The following NRXN1 variants were observed in gnomAD, a reference collection of about 807,000 sequenced individuals.
The protein encoded by NRXN1 is neurexin-1.
In NRXN1, 39 loss-of-function variants were observed where a neutral mutation model predicts 150.9. The ratio of observed to expected loss-of-function variants is 0.26; its 90% CI spans 0.20 to 0.34. The LOEUF is 0.34. Among genes scored for constraint, NRXN1 ranks in the 10% least tolerant of loss-of-function variants. NRXN1 has a pLI of 1.00. For synonymous variants in NRXN1, 924 were observed against 757.0 expected (o/e 1.22, Z -3.62); for missense variants, 1,815 against 1,949.9 (o/e 0.93, Z 1.30).
At chr2:50,744,075 CAT>C (rs1206500577) in intron 5 of NRXN1, among the ~76,000 whole-genome samples, 6 of 152,104 alleles carry the variant, frequency 3.9e-5, no homozygotes, top group Non-Finnish European at 8.8e-5. Context: ...TCTGATTTCA[CAT>C]GTGTTGAGAA....
chr2:50,594,705 T>C lies in NRXN1; in HGVS notation c.1320+25317A>G, dbSNP rs529574822. Among the ~76,000 whole-genome samples the C allele has an allele frequency of 1.2e-4, 18 of 152,268 alleles. 1 individual carries two copies. The South Asian group carries it at 3.3e-3, about 28-fold the overall frequency. ...GAAGAAATAAGATACATTTAAATTT[T>C]AGTTATTGATTCTATTCACGCTAAC... On this transcript the variant is annotated intron_variant, in intron 8 of 22. Transcript: ENST00000401669.
intron 18 of NRXN1, among the ~76,000 whole-genome samples, chr2:50,143,455 T>A (rs1707556768): frequency 6.6e-6 from 1 of 151,976 alleles, no homozygotes; most frequent in African/African-American, 2.4e-5. Context: ...AAGACACTAA[T>A]TTATTATGCG....
chr2:50,553,134 T>C (rs1558926820), intron 8 of NRXN1, 109 bp from the exon 9 acceptor site: 5 of 791,532 alleles, frequency 6.3e-6, no homozygotes, highest in South Asian at 1.8e-5. Flanking sequence ...ACACGATATT[T>C]AGTTAATTTT....
intron 5 of NRXN1, among the ~76,000 whole-genome samples, chr2:50,659,657 G>A (rs1687008050): frequency 6.6e-6 from 1 of 151,026 alleles, no homozygotes; most frequent in Middle Eastern, 3.4e-3. Context: ...AGTGTAAGTT[G>A]AATATTCATT....
intron 2 of NRXN1, among the ~76,000 whole-genome samples, chr2:50,936,973 T>C (rs1210453313): frequency 3.9e-5 from 6 of 152,148 alleles, no homozygotes; most frequent in Non-Finnish European, 8.8e-5. Flanking sequence ...GTTTTATCTA[T>C]TCATCTTGAA....
rs1667727826 is a variant in NRXN1, at chr2:49,918,761, A to AT, written c.*3182dup. 6.6e-6 allele frequency: 1 copy of AT among 152,162 alleles called. No individual in the cohort carries two copies. Among genetic ancestry groups the AT allele is most frequent in the African/African-American group, 2.4e-5 (1 of 41,458 alleles). The allele number at this position is 152,162 out of a possible 1,614,324, so 9.4% of individuals were successfully genotyped here. A position where few individuals can be genotyped will look rare whatever the true frequency, so the allele number is the denominator to read the frequency against. On this transcript the variant is annotated 3_prime_UTR_variant, in exon 23 of 23. Transcript: ENST00000401669. ...AAAAGAGAGTCAACATTCTTCCTCT[A>AT]TAATATAAGGATGGGTCTTCCCTTC...
chr2:51,026,260 T>C, intron 2 of NRXN1: 2 of 706,426 alleles, frequency 2.8e-6, no homozygotes, highest in South Asian at 1.7e-5. Flanking sequence ...CAGCCACAAA[T>C]GCCATTTATC....
At chr2:50,633,760 C>G (rs528248031) in intron 5 of NRXN1, among the ~76,000 whole-genome samples, 1 of 152,146 alleles carries the variant, frequency 6.6e-6, no homozygotes, top group Non-Finnish European at 1.5e-5. Context: ...ATTAGAAATA[C>G]AACAGTAAAT....
intron 17 of NRXN1, among the ~76,000 whole-genome samples, chr2:50,311,499 A>G (rs2075179397): frequency 6.6e-6 from 1 of 152,128 alleles, no homozygotes; most frequent in Non-Finnish European, 1.5e-5. Flanking sequence ...TGATAATCCG[A>G]ACCTGGATAG....
intron 18 of NRXN1, among the ~76,000 whole-genome samples, chr2:50,102,253 C>T (rs1301202771): frequency 6.6e-6 from 1 of 151,890 alleles, no homozygotes; most frequent in Non-Finnish European, 1.5e-5. Context: ...TGAAGTAATG[C>T]AGAAAAATAT....
At chr2:50,010,489 C>T (rs908934656) in intron 21 of NRXN1, among the ~76,000 whole-genome samples, 1 of 152,140 alleles carries the variant, frequency 6.6e-6, no homozygotes, top group African/African-American at 2.4e-5. Flanking sequence ...TAGAGCTAGC[C>T]TTTTGCAACG....
In NRXN1 at chr2:50,972,104, T is replaced by A. The variant is rs150364543; in HGVS notation, c.773-46149A>T. Among the ~76,000 whole-genome samples, 515 of 152,102 alleles carry A rather than the reference T, an allele frequency of 3.4e-3. 3 individuals are homozygous for A. Among genetic ancestry groups the A allele is most frequent in the African/African-American group, 0.011 (469 of 41,502 alleles). ...TTTATTCACAAAAAAAAAAAATTAT[T>A]TGCTGTGAAACAAAGAATTCTTATT... On this transcript the variant is annotated intron_variant, in intron 2 of 22. Transcript: ENST00000401669.
At chr2:50,109,878 C>T (rs141701880) in intron 18 of NRXN1, among the ~76,000 whole-genome samples, 474 of 152,194 alleles carry the variant, frequency 3.1e-3, no homozygotes, top group Non-Finnish European at 5.2e-3. Context: ...TCCTCGGTTT[C>T]TGCTGTATAT....
chr2:50,972,568 G>A (rs772422868), intron 2 of NRXN1, among the ~76,000 whole-genome samples: 11 of 151,858 alleles, frequency 7.2e-5, no homozygotes, highest in Non-Finnish European at 1.2e-4. Flanking sequence ...TTGTAATATC[G>A]AATTAAACAA....
intron 5 of NRXN1, among the ~76,000 whole-genome samples, chr2:50,708,005 T>C (rs539682146): frequency 6.6e-6 from 1 of 152,302 alleles, no homozygotes; most frequent in East Asian, 1.9e-4. Flanking sequence ...TTTTGTTTCT[T>C]ATAAAGATTT....
At chr2:50,045,507 G>A (rs1282148279) in intron 21 of NRXN1, among the ~76,000 whole-genome samples, 1 of 152,018 alleles carries the variant, frequency 6.6e-6, no homozygotes, top group African/African-American at 2.4e-5. Flanking sequence ...ACCATGCCCG[G>A]CTAATTTTTG....
At chr2:50,656,267 C>T (rs1394183332) in intron 5 of NRXN1, 3 of 658,534 alleles carry the variant, frequency 4.6e-6, no homozygotes, top group Non-Finnish European at 8.5e-6. Flanking sequence ...TGGCTCAAAA[C>T]CCACCCATGA....
At chr2:50,297,503 T>C (rs1019850489) in intron 17 of NRXN1, among the ~76,000 whole-genome samples, 14 of 152,094 alleles carry the variant, frequency 9.2e-5, no homozygotes, top group African/African-American at 3.4e-4. Flanking sequence ...GAATCCAAGT[T>C]CAAAAAAAGC....
chr2:50,518,412 T>C (rs774825716), intron 12 of NRXN1, among the ~76,000 whole-genome samples: 3 of 152,004 alleles, frequency 2.0e-5, no homozygotes, highest in African/African-American at 4.8e-5. Context: ...TAGTTCAATT[T>C]GCTTTTGAGT....
Sources: gnomAD v4.1 joint callset for allele counts (sites outside exome capture counted in the v4.1 genomes callset) on GRCh38, gnomAD v4.1.1 for gene constraint, MANE v1.5 for transcripts, NCBI Gene and HGNC (gene_info 2026-07-23, HGNC 2026-07-21) for gene names.